The following DCP2 variants were observed in gnomAD, a reference collection of about 807,000 sequenced individuals.
DCP2 encodes decapping mRNA 2.
DCP2 carries 30 observed loss-of-function variants against 56.1 expected under a neutral mutation model. The ratio of observed to expected loss-of-function variants is 0.53; its 90% CI spans 0.40 to 0.73. The LOEUF (loss-of-function observed/expected upper bound fraction) is 0.73, where lower values mean the gene tolerates loss of function less well. Among genes scored for constraint, DCP2 ranks in the 30% least tolerant of loss-of-function variants. The pLI, the probability that DCP2 is intolerant of heterozygous loss-of-function variation, is 0.00. For missense variants in DCP2, 533 were observed against 502.7 expected (o/e 1.06, Z -0.58); for synonymous variants, 197 against 163.3 (o/e 1.21, Z -1.57).
rs538848879 is a variant in DCP2 at position 113,011,012 on chromosome 5, CTG to C, written c.1099+208_1099+209del. 1.8e-3 allele frequency among the ~76,000 whole-genome samples: 267 copies of C among 152,292 alleles called. 1 individual carries two copies. The highest frequency in any genetic ancestry group is 3.3e-3 in the South Asian group (16 of 4,832). On this transcript the variant is annotated intron_variant, in intron 10 of 10. Transcript: ENST00000389063. The stretch of plus-strand genomic sequence containing the variant: ...TTAGATAAAATTACTTGCCTTCAGA[CTG>C]TGCCGTTTCTTTTATGAATGTTAAG...
intron 1 of DCP2, among the ~76,000 whole-genome samples, chr5:112,980,585 A>AC (rs2067336): frequency 0.52 from 79,145 of 152,022 alleles, 21,412 homozygotes; most frequent in African/African-American, 0.67. Flanking sequence ...GTACTTTTGA[A>AC]CTTTAAAACA....
chr5:112,989,147 G>T (rs1052994657), intron 2 of DCP2, among the ~76,000 whole-genome samples: 1 of 152,162 alleles, frequency 6.6e-6, no homozygotes, highest in African/African-American at 2.4e-5. Flanking sequence ...GTGCAGTGTG[G>T]TAGGATGTGA....
In DCP2 at chr5:112,993,954, T is replaced by TTTTA. The variant is rs547535354; in HGVS notation, c.432+1205_432+1208dup. 5.2e-3 allele frequency among the ~76,000 whole-genome samples: 785 copies of TTTTA among 151,580 alleles called. 7 individuals carry two copies. Among genetic ancestry groups the TTTTA allele is most frequent in the African/African-American group, 0.013 (522 of 41,356 alleles). ...CCAGTGGCAACATCATAGTTTTAAT[T>TTTTA]TTTATTTATTTATTTATTTATTTAC... is the stretch of plus-strand genomic sequence containing the variant. On this transcript the variant is annotated intron_variant, in intron 4 of 10. Coordinates refer to ENST00000389063, the MANE Select transcript of DCP2 (RefSeq NM_152624.6).
chr5:112,999,990 G>C (rs1316346393), intron 4 of DCP2, among the ~76,000 whole-genome samples: 1 of 149,050 alleles, frequency 6.7e-6, no homozygotes, highest in Non-Finnish European at 1.5e-5. Flanking sequence ...GAAACTGGGA[G>C]GCAGAGGTTG....
At chr5:112,983,003 A>G (rs1387504890) in intron 1 of DCP2, among the ~76,000 whole-genome samples, 1 of 152,204 alleles carries the variant, frequency 6.6e-6, no homozygotes, top group Non-Finnish European at 1.5e-5. Context: ...ATACAGATAA[A>G]GCAGACTTTA....
Position 113,008,162 on chromosome 5 carries a change from G to T in DCP2, c.1047+120G>T, listed in dbSNP as rs79100464. Reference sequence around the variant, plus strand: ...TCTTATTTTAATTGATATACTAGTAGGATTTTTGTGTAGCTGACTTGTGCA... The same window carrying T: ...TCTTATTTTAATTGATATACTAGTATGATTTTTGTGTAGCTGACTTGTGCA... On this transcript the variant is annotated intron_variant, in intron 9 of 10. Transcript: ENST00000389063. 2,372 of 787,182 alleles carry T rather than the reference G, an allele frequency of 3.0e-3. 14 individuals carry two copies. The highest frequency in any genetic ancestry group is 0.02 in the African/African-American group (1,163 of 57,632). The allele number at this position is 787,182 out of a possible 1,614,324, so 48.8% of individuals were successfully genotyped here. A position where few individuals can be genotyped will look rare whatever the true frequency, so the allele number is the denominator to read the frequency against.
intron 3 of DCP2, 111 bp from the exon 4 acceptor site, chr5:112,992,561 A>T (rs1033669028): frequency 4.9e-6 from 4 of 812,248 alleles, no homozygotes; most frequent in African/African-American, 1.8e-5. Flanking sequence ...TACTCTGTAA[A>T]ATTATTGGCG....
intron 2 of DCP2, among the ~76,000 whole-genome samples, chr5:112,989,651 T>G (rs923252012): frequency 6.6e-6 from 1 of 152,180 alleles, no homozygotes; most frequent in African/African-American, 2.4e-5. Flanking sequence ...GAAAAAACTT[T>G]CGGAGATGGC....
chr5:112,986,238 T>A (rs1392549491), intron 2 of DCP2, among the ~76,000 whole-genome samples: 1 of 152,190 alleles, frequency 6.6e-6, no homozygotes, highest in Non-Finnish European at 1.5e-5. Context: ...TTTTTTCCCA[T>A]GCATAGCTAG....
chr5:113,001,816 G>A (rs1190549971), intron 7 of DCP2, 142 bp downstream of exon 7: 1 of 777,042 alleles, frequency 1.3e-6, no homozygotes, highest in Admixed American at 2.9e-5. Flanking sequence ...GATAATAGAA[G>A]ATTTTTTTAA....
At chr5:112,983,049 C>T (rs1264483214) in intron 1 of DCP2, among the ~76,000 whole-genome samples, 1 of 152,114 alleles carries the variant, frequency 6.6e-6, no homozygotes, top group Admixed American at 6.5e-5. Flanking sequence ...GTTGATTAAT[C>T]AAGTTGGGCT....
intron 10 of DCP2, 43 bp from the exon 11 acceptor site, chr5:113,013,278 C>G (rs746925040): frequency 1.9e-6 from 3 of 1,567,728 alleles, no homozygotes; most frequent in Non-Finnish European, 2.6e-6. Context: ...TGATTTCTTA[C>G]TAAGGTTACT....
At chr5:113,012,499 C>T (rs1041769674) in intron 10 of DCP2, among the ~76,000 whole-genome samples, 3 of 152,174 alleles carry the variant, frequency 2.0e-5, no homozygotes, top group Non-Finnish European at 4.4e-5. Context: ...TTTCTTTCTA[C>T]CCCAGCCTCT....
intron 8 of DCP2, among the ~76,000 whole-genome samples, chr5:113,006,885 C>T (rs1029973683): frequency 5.9e-5 from 9 of 152,138 alleles, no homozygotes; most frequent in Non-Finnish European, 1.3e-4. Context: ...GTAATTCTAG[C>T]TCTTCGGGAG....
intron 4 of DCP2, among the ~76,000 whole-genome samples, chr5:112,996,382 T>G (rs937968292): frequency 2.6e-5 from 4 of 152,242 alleles, no homozygotes; most frequent in Non-Finnish European, 1.5e-5. Context: ...AGCTACTGAT[T>G]AGACTTAGGC....
chr5:112,983,723 A>G (rs1748119708), intron 1 of DCP2, among the ~76,000 whole-genome samples: 1 of 152,232 alleles, frequency 6.6e-6, no homozygotes. Context: ...TATACAAAAC[A>G]TTAAGAATCT....
At chr5:113,012,356 G>A (rs568096896) in intron 10 of DCP2, among the ~76,000 whole-genome samples, 22 of 151,986 alleles carry the variant, frequency 1.4e-4, no homozygotes, top group African/African-American at 4.8e-4. Flanking sequence ...AGACCATCTC[G>A]AAAAAAGGGG....
chr5:112,999,225 A>G (rs547817837), intron 4 of DCP2, among the ~76,000 whole-genome samples: 17 of 152,370 alleles, frequency 1.1e-4, no homozygotes, highest in African/African-American at 3.8e-4. Flanking sequence ...AGCTATGTAT[A>G]CTTATTTCTG....
chr5:112,989,851 TAGAG>T (rs1166511704), intron 2 of DCP2, among the ~76,000 whole-genome samples: 1 of 152,120 alleles, frequency 6.6e-6, no homozygotes, highest in Non-Finnish European at 1.5e-5. Context: ...ATTAATTTAC[TAGAG>T]AGAGAAAACC....
Sources: gnomAD v4.1 joint callset for allele counts (sites outside exome capture counted in the v4.1 genomes callset) on GRCh38, gnomAD v4.1.1 for gene constraint, MANE v1.5 for transcripts, NCBI Gene and HGNC (gene_info 2026-07-23, HGNC 2026-07-21) for gene names.